FRMPD3: variants seen among roughly 807,000 people sequenced by gnomAD.
FRMPD3 encodes FERM and PDZ domain-containing protein 3.
Under a neutral mutation model 97.9 loss-of-function variants are expected in FRMPD3, and 42 were observed. The ratio of observed to expected loss-of-function variants is 0.43; its 90% CI spans 0.34 to 0.55. The LOEUF is 0.55. Ranked by LOEUF, FRMPD3 falls within the 20% of genes least tolerant of loss-of-function variation. The pLI, the probability that FRMPD3 is intolerant of heterozygous loss-of-function variation, is 0.03. For synonymous variants in FRMPD3, 577 were observed against 581.1 expected (o/e 0.99, Z 0.10); for missense variants, 1,303 against 1,457.7 (o/e 0.89, Z 1.73).
chrX:107,513,738 G>A (rs1323857909), intron 1 of FRMPD3, among the ~76,000 whole-genome samples: 1 of 112,223 alleles, frequency 8.9e-6, no homozygotes, highest in Non-Finnish European at 1.9e-5. Flanking sequence ...GCATGTAAAG[G>A]CCAGAGGATT....
At chrX:107,530,615 T>C in intron 3 of FRMPD3, 104 bp downstream of exon 3, 3 of 597,270 alleles carry the variant, frequency 5.0e-6, no homozygotes, top group South Asian at 5.6e-5. Context: ...GCAGAATCCT[T>C]CCAGGCAGAG....
intron 12 of FRMPD3, among the ~76,000 whole-genome samples, chrX:107,568,930 GGA>G (rs1310429776): frequency 9.3e-5 from 8 of 85,715 alleles, no homozygotes; most frequent in Admixed American, 1.3e-4. Context: ...AGAGAGAGAG[GGA>G]GAGAGAGAGA....
At chrX:107,504,735 A>G (rs780773844) in intron 1 of FRMPD3, among the ~76,000 whole-genome samples, 1 of 111,994 alleles carries the variant, frequency 8.9e-6, no homozygotes, top group Admixed American at 9.4e-5. Flanking sequence ...ATCCAGCCCC[A>G]TGGCCAACCT....
At chrX:107,460,120 T>C (rs1316110687) in intron 1 of FRMPD3, among the ~76,000 whole-genome samples, 1 of 111,352 alleles carries the variant, frequency 9.0e-6, no homozygotes, top group East Asian at 2.8e-4. Flanking sequence ...TGCAAGTCAC[T>C]GACTAGGGTA....
chrX:107,563,278 G>T lies in FRMPD3; in HGVS notation c.1116+78G>T. The T allele has an allele frequency of 9.8e-6, 8 of 814,219 alleles. No individual in the cohort carries two copies. In the South Asian group the frequency reaches 1.4e-4, roughly 14 times the overall value. The allele number at this position is 814,219 out of a possible 1,213,427, so 67.1% of individuals were successfully genotyped here. A position where few individuals can be genotyped will look rare whatever the true frequency, so the allele number is the denominator to read the frequency against. On this transcript the variant is annotated intron_variant, in intron 11 of 14. Transcript: ENST00000683843. ...GTCCTTGGGTGTGGGGGCAGGAGGG[G>T]CAAATATTTCTAAAGGCCTTCGTTC...
chrX:107,584,013 C>T (rs1923526765), intron 13 of FRMPD3, among the ~76,000 whole-genome samples: 1 of 109,126 alleles, frequency 9.2e-6, no homozygotes, highest in African/African-American at 3.3e-5. Flanking sequence ...ACTACAGGCG[C>T]CTGCCACCAT....
intron 13 of FRMPD3, among the ~76,000 whole-genome samples, chrX:107,594,271 G>A (rs1924055476): frequency 1.8e-5 from 2 of 111,748 alleles, no homozygotes; most frequent in African/African-American, 6.5e-5. Context: ...TGAGTCTTCA[G>A]CATTTTCTAA....
intron 4 of FRMPD3, among the ~76,000 whole-genome samples, chrX:107,533,940 A>G (rs184563375): frequency 1.8e-5 from 2 of 112,506 alleles, no homozygotes; most frequent in African/African-American, 6.5e-5. Flanking sequence ...GTTACCTACA[A>G]TGTATGAGAC....
intron 1 of FRMPD3, among the ~76,000 whole-genome samples, chrX:107,482,184 C>G (rs1250092411): frequency 9.0e-6 from 1 of 111,290 alleles, no homozygotes; most frequent in African/African-American, 3.3e-5. Context: ...CTTTCCCCTC[C>G]TCCCCCCGGT....
intron 1 of FRMPD3, among the ~76,000 whole-genome samples, chrX:107,478,583 C>T (rs899554207): frequency 8.9e-6 from 1 of 111,810 alleles, no homozygotes; most frequent in Non-Finnish European, 1.9e-5. Context: ...CAGTTTCAAG[C>T]ATCTGGTCCA....
At chrX:107,537,939 G>T (rs1921076198) in intron 4 of FRMPD3, among the ~76,000 whole-genome samples, 1 of 111,477 alleles carries the variant, frequency 9.0e-6, no homozygotes, top group Admixed American at 9.6e-5. Context: ...AGCCGAGGTC[G>T]GACAAGGTGA....
rs1234291764 is a variant in FRMPD3, at chrX:107,600,367, T to C, written c.2328T>C (p.Ser776=). 1 of 1,210,505 alleles carries C rather than the reference T, an allele frequency of 8.3e-7. No homozygotes were observed. The highest frequency in any genetic ancestry group is 1.1e-6 in the Non-Finnish European group (1 of 895,237). ...SSLDSGHETN[S]SELTDMSEMM... ...TGGACTCAGGTCATGAAACCAACTC[T>C]TCAGAGCTCACAGACATGTCAGAGA... is the stretch of plus-strand genomic sequence containing the variant. The change falls in exon 15 of 15, where the codon TCT becomes TCC. Residue 776 remains serine, a synonymous_variant. Coordinates refer to ENST00000683843, the MANE Select transcript of FRMPD3 (RefSeq NM_001388459.1).
chrX:107,585,497 G>C (rs1923602706), intron 13 of FRMPD3, among the ~76,000 whole-genome samples: 1 of 111,589 alleles, frequency 9.0e-6, no homozygotes, highest in South Asian at 3.7e-4. Context: ...GGAGCGGTGA[G>C]AGGGCATCCT....
chrX:107,597,849 A>T lies in FRMPD3; in HGVS notation c.1970A>T (p.Asp657Val). 1 of 1,196,298 alleles carries T rather than the reference A, an allele frequency of 8.4e-7. No homozygotes were observed. The highest frequency in any genetic ancestry group is 1.1e-6 in the Non-Finnish European group (1 of 888,418). ...PGSEEEEEEE[D>V]ETTSLLPAIA... ...AGTGAGGAGGAGGAGGAGGAGGAAGATGAGACAACTTCTCTGTTGCCAGCC... is the reference window on the plus strand; with the variant it reads ...AGTGAGGAGGAGGAGGAGGAGGAAGTTGAGACAACTTCTCTGTTGCCAGCC... Residue 657 changes from aspartate (D) to valine (V), a missense_variant, in exon 14 of 15, where the codon GAT becomes GTT. Transcript: ENST00000683843.
intron 13 of FRMPD3, among the ~76,000 whole-genome samples, chrX:107,578,704 T>C (rs1026230247): frequency 4.5e-5 from 5 of 111,867 alleles, no homozygotes; most frequent in African/African-American, 1.6e-4. Flanking sequence ...CCATCTCTTC[T>C]GGCCAGAAAC....
intron 13 of FRMPD3, among the ~76,000 whole-genome samples, chrX:107,585,772 T>G (rs1378075050): frequency 8.9e-6 from 1 of 112,386 alleles, no homozygotes; most frequent in African/African-American, 3.2e-5. Context: ...TGAACCAGCC[T>G]TGCATCCCAG....
Position 107,496,022 on chromosome X carries a change from T to C in FRMPD3, c.-7-30560T>C, listed in dbSNP as rs769885786. ...CAAGTTTCTTAAACCTTTGCCTCAG[T>C]GTCCTTGTCTGCAAAAGGGGGCTAA... is the stretch of plus-strand genomic sequence containing the variant. On this transcript the variant is annotated intron_variant, in intron 1 of 14. Transcript: ENST00000683843. Among the ~76,000 whole-genome samples, 4 of 111,642 alleles carry C rather than the reference T, an allele frequency of 3.6e-5. No individual in the cohort carries two copies. The Admixed American group carries it at 3.8e-4, about 11-fold the overall frequency.
intron 1 of FRMPD3, among the ~76,000 whole-genome samples, chrX:107,479,575 G>A (rs1351508354): frequency 9.0e-6 from 1 of 110,828 alleles, no homozygotes; most frequent in Non-Finnish European, 1.9e-5. Flanking sequence ...ATTTTTAGGA[G>A]ATGACTGATG....
intron 1 of FRMPD3, among the ~76,000 whole-genome samples, chrX:107,516,636 G>A (rs1922339688): frequency 9.0e-6 from 1 of 111,693 alleles, no homozygotes; most frequent in Non-Finnish European, 1.9e-5. Context: ...GTGATGATGA[G>A]CATTTTTTCA....
Sources: gnomAD v4.1 joint callset for allele counts (sites outside exome capture counted in the v4.1 genomes callset) on GRCh38, gnomAD v4.1.1 for gene constraint, MANE v1.5 for transcripts, NCBI Gene and HGNC (gene_info 2026-07-23, HGNC 2026-07-21) for gene names.